Variants in RGS8 observed in about 807,000 individuals in gnomAD.
RGS8 encodes regulator of G protein signaling 8, also known as regulator of G-protein signaling 8.
Under a neutral mutation model 21.7 loss-of-function variants are expected in RGS8, and 8 were observed. The observed-to-expected ratio is 0.37, with a 90% CI of 0.22 to 0.66. The LOEUF is 0.66. Among genes scored for constraint, RGS8 ranks in the 30% least tolerant of loss-of-function variants. The pLI, the probability that RGS8 is intolerant of heterozygous loss-of-function variation, is 0.59. For missense variants in RGS8, 157 were observed against 217.9 expected, an observed-to-expected ratio of 0.72 and a Z score of 1.76; for synonymous variants, 80 against 83.6, an observed-to-expected ratio of 0.96 and a Z score of 0.24.
At chr1:182,644,554 C>G (rs1344117277), downstream of RGS8, 1 of 152,156 alleles carries the variant, frequency 6.6e-6, no homozygotes, top group East Asian at 1.9e-4. Context: ...TTGGCAAGAA[C>G]TCTAGGCCTC....
chr1:182,742,335 G>A, the RGS8 span, among the ~76,000 whole-genome samples: 2 of 151,646 alleles, frequency 1.3e-5, no homozygotes, highest in Admixed American at 1.3e-4. Context: ...CCCAGACGGG[G>A]TGGCGGCCGG....
chr1:182,713,419 A>G, the RGS8 span, among the ~76,000 whole-genome samples: 2 of 152,136 alleles, frequency 1.3e-5, no homozygotes, highest in Non-Finnish European at 2.9e-5. Context: ...CCTGACCTCC[A>G]GTGATCTGCC....
the RGS8 span, among the ~76,000 whole-genome samples, chr1:182,721,091 G>A: frequency 2.4e-5 from 3 of 127,420 alleles, no homozygotes; most frequent in Admixed American, 8.0e-5. Context: ...ACATATATAT[G>A]TGTGTATATA....
chr1:182,713,808 G>A, the RGS8 span, among the ~76,000 whole-genome samples: 1 of 152,142 alleles, frequency 6.6e-6, no homozygotes, highest in African/African-American at 2.4e-5. Context: ...ATCATTGCCT[G>A]TTTGAAAAAC....
chr1:182,682,770 A>G (rs1253208236), intron 1 of RGS8, among the ~76,000 whole-genome samples: 1 of 143,310 alleles, frequency 7.0e-6, no homozygotes, highest in Non-Finnish European at 1.5e-5. Flanking sequence ...GCTGCTGCTG[A>G]CCCATGGCTG....
At chr1:182,672,706 C>T, upstream of RGS8, 3 of 1,278,172 alleles carry the variant, frequency 2.3e-6, no homozygotes, top group South Asian at 3.6e-5. Flanking sequence ...CTAGCAACTT[C>T]CCCCTACTTG....
chr1:182,717,667 T>C, the RGS8 span, among the ~76,000 whole-genome samples: 54 of 152,300 alleles, frequency 3.5e-4, no homozygotes, highest in African/African-American at 1.3e-3. Context: ...CCCTCCCCTA[T>C]TGTGTTTTCT....
the RGS8 span, among the ~76,000 whole-genome samples, chr1:182,708,980 C>A: frequency 6.6e-6 from 1 of 152,216 alleles, no homozygotes; most frequent in Non-Finnish European, 1.5e-5. Flanking sequence ...GTCCTTCCAT[C>A]TAGGAACAGC....
chr1:182,709,518 G>T, the RGS8 span, among the ~76,000 whole-genome samples: 1 of 152,112 alleles, frequency 6.6e-6, no homozygotes, highest in Admixed American at 6.6e-5. Context: ...GGAACTCAGG[G>T]ACTGAGTTTA....
the RGS8 span, among the ~76,000 whole-genome samples, chr1:182,719,108 A>G: frequency 2.6e-5 from 4 of 152,268 alleles, no homozygotes; most frequent in East Asian, 7.7e-4. Flanking sequence ...CTCATTACCC[A>G]TCTGTCCCAG....
At chr1:182,658,714 G>T (rs1663405283) in intron 5 of RGS8, 1 of 152,198 alleles carries the variant, frequency 6.6e-6, no homozygotes, top group Non-Finnish European at 1.5e-5. Flanking sequence ...GGCCACAGTG[G>T]TTTGCACCTG....
intron 2 of RGS8, 28 bp downstream of exon 3, chr1:182,671,629 G>T (rs1320117485): frequency 6.2e-6 from 10 of 1,603,546 alleles, no homozygotes; most frequent in Non-Finnish European, 8.5e-6. Context: ...CCCCGGAGAA[G>T]AAAGAGAAAA....
the RGS8 span, among the ~76,000 whole-genome samples, chr1:182,751,513 T>C: frequency 6.6e-6 from 1 of 152,138 alleles, no homozygotes; most frequent in South Asian, 2.1e-4. Flanking sequence ...AGGAGGAGTG[T>C]GTGATTAAAA....
intron 5 of RGS8, among the ~76,000 whole-genome samples, chr1:182,664,447 G>A (rs1293306338): frequency 6.6e-6 from 1 of 152,060 alleles, no homozygotes; most frequent in African/African-American, 2.4e-5. Flanking sequence ...ACAGCCTCAG[G>A]GACTTGAACT....
intron 1 of RGS8, among the ~76,000 whole-genome samples, chr1:182,680,654 T>C (rs149693006): frequency 3.5e-5 from 5 of 141,070 alleles, no homozygotes; most frequent in Non-Finnish European, 6.2e-5. Context: ...CTGACTAACA[T>C]TTAAGTGTCT....
chr1:182,716,124 TG>T, the RGS8 span, among the ~76,000 whole-genome samples: 2 of 119,380 alleles, frequency 1.7e-5, no homozygotes, highest in Admixed American at 7.9e-5. Flanking sequence ...CACTGTTTTT[TG>T]GTTTTTTTTT....
chr1:182,660,559 T>A (rs529626147), intron 5 of RGS8, among the ~76,000 whole-genome samples: 1 of 151,806 alleles, frequency 6.6e-6, no homozygotes, highest in South Asian at 2.1e-4. Flanking sequence ...CATATTTGTT[T>A]ATTTACTGTG....
At chr1:182,747,950 T>A in the RGS8 span, among the ~76,000 whole-genome samples, 1 of 152,228 alleles carries the variant, frequency 6.6e-6, no homozygotes, top group Admixed American at 6.5e-5. Context: ...CTCTTTATTT[T>A]TGAGTATGTT....
At chr1:182,722,685 A>T in the RGS8 span, among the ~76,000 whole-genome samples, 1 of 152,062 alleles carries the variant, frequency 6.6e-6, no homozygotes, top group Non-Finnish European at 1.5e-5. Flanking sequence ...GTTTATAAAG[A>T]TGCCAGTCAG....
Sources: gnomAD v4.1 joint callset for allele counts (sites outside exome capture counted in the v4.1 genomes callset) on GRCh38, gnomAD v4.1.1 for gene constraint, MANE v1.5 for transcripts, NCBI Gene and HGNC (gene_info 2026-07-23, HGNC 2026-07-21) for gene names.